The following RUVBL2 variants were observed in gnomAD, a reference collection of about 807,000 sequenced individuals.
RUVBL2 encodes the protein ruvB-like 2.
Under a neutral mutation model 57.9 loss-of-function variants are expected in RUVBL2, and 9 were observed. The ratio of observed to expected loss-of-function variants is 0.16; its 90% CI spans 0.09 to 0.27. RUVBL2 has a LOEUF of 0.27. Among genes scored for constraint, RUVBL2 ranks in the 10% least tolerant of loss-of-function variants. The probability of loss-of-function intolerance (pLI) is 1.00; values close to 1 mark genes in which losing one functional copy is unlikely to be tolerated. For synonymous variants in RUVBL2, 278 were observed against 264.6 expected, an observed-to-expected ratio of 1.05 and a Z score of -0.49; for missense variants, 456 against 669.6, an observed-to-expected ratio of 0.68 and a Z score of 3.52.
chr19:48,996,801 A>G (rs1435594944), intron 1 of RUVBL2, among the ~76,000 whole-genome samples: 1 of 152,056 alleles, frequency 6.6e-6, no homozygotes, highest in Non-Finnish European at 1.5e-5. Context: ...TGCTGGGATT[A>G]CGGGCGTGAG....
chr19:48,998,958 C>T lies in RUVBL2; in HGVS notation c.13-361C>T, dbSNP rs373748195. On this transcript the variant is annotated intron_variant, in intron 1 of 14. Coordinates refer to ENST00000595090, the MANE Select transcript of RUVBL2 (RefSeq NM_006666.3). ...CAGAGAATTTCTTGAACCCAGGAGG[C>T]GGAGGTTGCAGTGAGCCGAGATTGG... Among the ~76,000 whole-genome samples, 10 of 151,540 alleles carry T rather than the reference C, an allele frequency of 6.6e-5. No homozygotes were observed. In the East Asian group the frequency reaches 7.8e-4, roughly 12 times the overall value.
In RUVBL2 at chr19:49,008,089, A is replaced by C. The variant is rs985502255; in HGVS notation, c.462+721A>C. Among the ~76,000 whole-genome samples the C allele has an allele frequency of 7.3e-5, 11 of 150,322 alleles. No homozygotes were observed. In the East Asian group the frequency reaches 2.1e-3, roughly 29 times the overall value. ...TGTGTTTTCTGATTTTGTGATCAAC[A>C]AAAACACTTTTTATTTGGGTATAAA... On this transcript the variant is annotated intron_variant, in intron 6 of 14. Transcript: ENST00000595090.
At chr19:48,994,240 T>G in intron 1 of RUVBL2, 1 of 482,166 alleles carries the variant, frequency 2.1e-6, no homozygotes, top group Non-Finnish European at 3.8e-6. Flanking sequence ...CGCCAGTGTG[T>G]GATGAGGAGG....
At position 49,015,135 on chromosome 19, in the gene RUVBL2, G is replaced by A. The variant is rs1437441924; in HGVS notation, c.1236G>A (p.Val412=). The change falls in exon 13 of 15, where the codon GTG becomes GTA. Residue 412 remains valine (V), a synonymous_variant. Coordinates refer to ENST00000595090, the MANE Select transcript of RUVBL2 (RefSeq NM_006666.3). ...AIQLITAASL[V]CRKRKGTEVQ... ...AGCTCATCACAGCTGCCAGCTTGGT[G>A]TGCCGGAAACGCAAGGTCAGCCGGC... 2 of 1,609,016 alleles carry A rather than the reference G, an allele frequency of 1.2e-6. No individual in the cohort carries two copies. The highest frequency in any genetic ancestry group is 1.7e-6 in the Non-Finnish European group (2 of 1,178,126).
At chr19:49,002,011 A>T (rs1027076851) in intron 2 of RUVBL2, among the ~76,000 whole-genome samples, 5 of 151,806 alleles carry the variant, frequency 3.3e-5, no homozygotes, top group Admixed American at 3.3e-4. Flanking sequence ...ACAGTATATA[A>T]ATGGCAGTGT....
intron 1 of RUVBL2, 174 bp downstream of exon 1, chr19:48,994,097 T>C (rs1384826373): frequency 1.5e-5 from 1 of 64,690 alleles, no homozygotes; most frequent in South Asian, 2.3e-4. Context: ...GAAGGGGACA[T>C]GGGGGCTGGA....
intron 1 of RUVBL2, among the ~76,000 whole-genome samples, chr19:48,996,676 C>T (rs2039068552): frequency 6.6e-6 from 1 of 152,158 alleles, no homozygotes; most frequent in South Asian, 2.1e-4. Context: ...CAGGCACCTG[C>T]CACCACGCCT....
At chr19:49,004,507 C>T in intron 4 of RUVBL2, 89 bp downstream of exon 4, 1 of 1,311,738 alleles carries the variant, frequency 7.6e-7, no homozygotes, top group Non-Finnish European at 1.1e-6. Flanking sequence ...CCGCCTTTAA[C>T]AGATGACCCA....
At chr19:48,994,085 G>C in intron 1 of RUVBL2, 162 bp downstream of exon 1, 1 of 445,084 alleles carries the variant, frequency 2.2e-6, no homozygotes, top group Non-Finnish European at 4.1e-6. Context: ...AGATCTGGGG[G>C]AGAAGGGGAC....
At chr19:49,009,399 A>G (rs2039357804) in intron 6 of RUVBL2, among the ~76,000 whole-genome samples, 3 of 151,736 alleles carry the variant, frequency 2.0e-5, no homozygotes, top group Admixed American at 1.3e-4. Context: ...AGGCAGGAGA[A>G]TGGCGTGAAC....
chr19:48,993,868 G>C (rs1183936972), upstream of RUVBL2: 3 of 1,613,940 alleles, frequency 1.9e-6, no homozygotes, highest in Non-Finnish European at 2.5e-6. Flanking sequence ...CTCGCTCCTC[G>C]CGCGTTTCCG....
chr19:49,002,083 G>C (rs1193981425), intron 2 of RUVBL2, among the ~76,000 whole-genome samples: 2 of 146,220 alleles, frequency 1.4e-5, no homozygotes, highest in African/African-American at 5.0e-5. Flanking sequence ...GAGTCTCACT[G>C]TGTTGCCCAG....
rs376908617 is a variant in RUVBL2 at position 49,004,360 on chromosome 19, C to A, written c.207C>A (p.Ala69=). ...AGATGATCCGGGAAGGGAAGATTGC[C>A]GGTCGGGCAGTCCTTATTGCTGGCC... is the stretch of plus-strand genomic sequence containing the variant. The part of the protein sequence containing the change: ...VLEMIREGKI[A]GRAVLIAGQP... Residue 69 remains alanine (A), a synonymous_variant, in exon 4 of 15, where the codon GCC becomes GCA. Transcript: ENST00000595090. 1.1e-5 allele frequency: 18 copies of A among 1,613,048 alleles called. No individual in the cohort carries two copies. The highest frequency in any genetic ancestry group is 1.4e-5 in the Non-Finnish European group (17 of 1,179,950).
intron 2 of RUVBL2, 106 bp from the exon 3 acceptor site, chr19:49,003,173 C>CAAAA: frequency 5.3e-5 from 29 of 543,642 alleles, no homozygotes; most frequent in East Asian, 2.1e-4. Flanking sequence ...GCTCCCTACT[C>CAAAA]CCACCCACCC....
At chr19:49,007,439 G>T in intron 6 of RUVBL2, 71 bp downstream of exon 6, 1 of 1,389,796 alleles carries the variant, frequency 7.2e-7, no homozygotes, top group Non-Finnish European at 1.0e-6. Context: ...TAGATATCAG[G>T]TCTGCACTGA....
At chr19:48,994,308 T>A (rs1403744730) in intron 1 of RUVBL2, 1 of 261,106 alleles carries the variant, frequency 3.8e-6, no homozygotes, top group Non-Finnish European at 7.6e-6. Context: ...GTGGTGCCAA[T>A]GGCACTTGAG....
chr19:49,001,828 T>C (rs2039189129), intron 2 of RUVBL2, among the ~76,000 whole-genome samples: 1 of 151,746 alleles, frequency 6.6e-6, no homozygotes, highest in Admixed American at 6.6e-5. Context: ...GCCAGGATGG[T>C]GTCTATCTCC....
At chr19:48,995,619 T>C (rs1221903279) in intron 1 of RUVBL2, among the ~76,000 whole-genome samples, 1 of 151,382 alleles carries the variant, frequency 6.6e-6, no homozygotes, top group African/African-American at 2.4e-5. Context: ...GAGTCCGAGG[T>C]AGAAGGATTG....
At position 49,014,523 on chromosome 19, in the gene RUVBL2, C is replaced by T; in HGVS notation, c.1041C>T (p.Pro347=). Residue 347 remains proline (P), a synonymous_variant, in exon 12 of 15, where the codon CCC becomes CCT. Coordinates refer to ENST00000595090, the MANE Select transcript of RUVBL2 (RefSeq NM_006666.3). ...GTSYQSPHGI[P]IDLLDRLLIV... is the part of the protein sequence containing the mutation. ...GCTACCAGAGCCCTCACGGCATCCC[C>T]ATAGACCTGCTGGACCGGCTGCTTA... The T allele has an allele frequency of 6.2e-7, 1 of 1,614,136 alleles. No homozygotes were observed. The highest frequency in any genetic ancestry group is 8.5e-7 in the Non-Finnish European group (1 of 1,180,012).
Sources: allele counts gnomAD v4.1 joint callset (sites outside exome capture counted in the v4.1 genomes callset), GRCh38; gene constraint gnomAD v4.1.1; transcripts MANE v1.5; gene names NCBI Gene and HGNC (gene_info 2026-07-23, HGNC 2026-07-21).